Variants in SMARCB1 observed in about 807,000 individuals in gnomAD.
The protein encoded by SMARCB1 is SWI/SNF-related matrix-associated actin-dependent regulator of chromatin subfamily B member 1.
A neutral mutation model predicts 49.0 loss-of-function variants in SMARCB1; 5 were observed. That is an observed-to-expected ratio of 0.10 (90% CI 0.05 to 0.21). The LOEUF (loss-of-function observed/expected upper bound fraction) is 0.21. Among genes scored for constraint, SMARCB1 ranks in the 10% least tolerant of loss-of-function variants. SMARCB1 has a pLI of 1.00. For missense variants in SMARCB1, 226 were observed against 509.2 expected (o/e 0.44, Z 5.35); for synonymous variants, 201 against 200.1 (o/e 1.00, Z -0.04).
At chr22:23,817,082 C>T in intron 6 of SMARCB1, 146 bp downstream of exon 6, 3 of 682,360 alleles carry the variant, frequency 4.4e-6, no homozygotes, top group Non-Finnish European at 7.9e-6. Context: ...TGGCTTTGCT[C>T]CCTGCAATCC....
chr22:23,790,170 G>T (rs1259517429), intron 1 of SMARCB1, among the ~76,000 whole-genome samples: 2 of 152,128 alleles, frequency 1.3e-5, no homozygotes, highest in African/African-American at 4.8e-5. Flanking sequence ...GAGACTCAGA[G>T]CCCTGCAGGG....
chr22:23,796,082 T>C (rs1012968309), intron 3 of SMARCB1, among the ~76,000 whole-genome samples: 3 of 152,110 alleles, frequency 2.0e-5, no homozygotes, highest in Non-Finnish European at 2.9e-5. Flanking sequence ...TGTGAGCCAC[T>C]GTGCCCAGCC....
intron 8 of SMARCB1, 143 bp downstream of exon 8, chr22:23,833,846 T>A (rs899552986): frequency 1.3e-5 from 12 of 943,328 alleles, no homozygotes; most frequent in Non-Finnish European, 2.0e-5. Flanking sequence ...GGCTTCTGGG[T>A]GATAAGGCCC....
intron 5 of SMARCB1, among the ~76,000 whole-genome samples, chr22:23,807,772 G>A (rs1929585812): frequency 6.7e-6 from 1 of 149,938 alleles, no homozygotes; most frequent in South Asian, 2.1e-4. Context: ...AAGACAATAA[G>A]AATGGTGGTA....
rs561728618 is a variant in SMARCB1, at chr22:23,801,869, A to G, written c.500+788A>G. The G allele has an allele frequency of 1.0e-4, 18 of 171,448 alleles. No individual in the cohort carries two copies. In the South Asian group the frequency reaches 2.2e-3, roughly 21 times the overall value. The allele number at this position is 171,448 out of a possible 1,614,324, so 10.6% of individuals were successfully genotyped here. ...GGTCTGTTTTTTACCTCTGTGGCCC[A>G]GACTTCCTCAGCTGCCCTCACCCCC... On this transcript the variant is annotated intron_variant, in intron 4 of 8. Transcript: ENST00000644036.
chr22:23,837,944 T>G lies in SMARCB1; in HGVS notation c.*3764T>G. ...CAAGACCCTGGAATTCTTCCCCTCA[T>G]CTCCCCTATGTGCTATTCCCTCATC... is the stretch of plus-strand genomic sequence containing the variant. On this transcript the variant is annotated 3_prime_UTR_variant, in exon 9 of 9. Transcript: ENST00000644036. 7.4e-7 allele frequency: 1 copy of G among 1,346,876 alleles called. No homozygotes were observed. Among genetic ancestry groups the G allele is most frequent in the Non-Finnish European group, 1.0e-6 (1 of 995,078 alleles). 83.4% of individuals were successfully genotyped at this position (1,346,876 alleles called of 1,614,324 possible). A position where few individuals can be genotyped will look rare whatever the true frequency, so the allele number is the denominator to read the frequency against.
chr22:23,808,314 G>A (rs1929643278), intron 5 of SMARCB1, among the ~76,000 whole-genome samples: 1 of 152,162 alleles, frequency 6.6e-6, no homozygotes, highest in African/African-American at 2.4e-5. Flanking sequence ...GTAGAGACAG[G>A]GTTTCACCGT....
chr22:23,837,006 C>T lies in SMARCB1; in HGVS notation c.*2826C>T, dbSNP rs776754528. ...GTTGAGCACAGGCCAGCACAGGTCCCCATCGGTGGGGATCCTTCTGAGGGT... is the reference window on the plus strand; with the variant it reads ...GTTGAGCACAGGCCAGCACAGGTCCTCATCGGTGGGGATCCTTCTGAGGGT... On this transcript the variant is annotated 3_prime_UTR_variant, in exon 9 of 9. Coordinates refer to ENST00000644036, the MANE Select transcript of SMARCB1 (RefSeq NM_003073.5). The T allele has an allele frequency of 4.7e-5, 76 of 1,611,770 alleles. No individual in the cohort carries two copies. Among genetic ancestry groups the T allele is most frequent in the Non-Finnish European group, 6.4e-5 (75 of 1,178,928 alleles).
At chr22:23,793,384 A>T in intron 2 of SMARCB1, 175 bp from the exon 3 acceptor site, 1 of 754,534 alleles carries the variant, frequency 1.3e-6, no homozygotes. Context: ...TTGTAAGTAA[A>T]GCACTCAGTC....
At chr22:23,831,760 C>T (rs1423659093) in intron 7 of SMARCB1, among the ~76,000 whole-genome samples, 6 of 152,160 alleles carry the variant, frequency 3.9e-5, no homozygotes, top group Admixed American at 2.6e-4. Flanking sequence ...TCACGTCTGC[C>T]CTCCAAGGAA....
At position 23,787,187 on chromosome 22, in the gene SMARCB1, G is replaced by T. The variant is rs1381647379; in HGVS notation, c.18G>T (p.Leu6=). Residue 6 remains leucine (L), a synonymous_variant, in exon 1 of 9, where the codon CTG becomes CTT. Coordinates refer to ENST00000644036, the MANE Select transcript of SMARCB1 (RefSeq NM_003073.5). Reference sequence around the variant, plus strand: ...CCGCCGCAATGATGATGATGGCGCTGAGCAAGACCTTCGGGCAGAAGCCCG... The same window carrying T: ...CCGCCGCAATGATGATGATGGCGCTTAGCAAGACCTTCGGGCAGAAGCCCG... MMMMA[L]SKTFGQKPVK... is the part of the protein sequence containing the mutation. 6.2e-7 allele frequency: 1 copy of T among 1,608,500 alleles called. No homozygotes were observed. The highest frequency in any genetic ancestry group is 8.5e-7 in the Non-Finnish European group (1 of 1,176,962).
chr22:23,819,131 C>A (rs977172377), intron 6 of SMARCB1, among the ~76,000 whole-genome samples: 4 of 152,124 alleles, frequency 2.6e-5, no homozygotes, highest in Admixed American at 2.6e-4. Flanking sequence ...GGATTACAGG[C>A]GTGAGCCACT....
chr22:23,807,289 G>T (rs1254163841), intron 5 of SMARCB1, among the ~76,000 whole-genome samples: 2 of 152,282 alleles, frequency 1.3e-5, no homozygotes, highest in East Asian at 3.9e-4. Context: ...ATATCCACAT[G>T]CTTGTTTTGG....
intron 8 of SMARCB1, 126 bp downstream of exon 8, chr22:23,833,829 G>GTACTCTGTCT: frequency 8.9e-7 from 1 of 1,126,548 alleles, no homozygotes; most frequent in Non-Finnish European, 1.3e-6. Context: ...GCTGCTAGAG[G>GTACTCTGTCT]CAGGCAGGCT....
At chr22:23,831,131 G>C (rs959226614) in intron 7 of SMARCB1, among the ~76,000 whole-genome samples, 2 of 152,124 alleles carry the variant, frequency 1.3e-5, no homozygotes, top group African/African-American at 4.8e-5. Context: ...CGGCCTCGGA[G>C]GTGTGAATTG....
At chr22:23,811,960 T>C (rs1250734645) in intron 5 of SMARCB1, among the ~76,000 whole-genome samples, 10 of 152,170 alleles carry the variant, frequency 6.6e-5, no homozygotes, top group Admixed American at 5.9e-4. Flanking sequence ...ATGTAAATTA[T>C]CAATATCAGG....
chr22:23,833,380 G>T (rs779642408), intron 7 of SMARCB1, among the ~76,000 whole-genome samples, 192 bp from the exon 8 acceptor site: 61 of 152,218 alleles, frequency 4.0e-4, no homozygotes, highest in Non-Finnish European at 7.1e-4. Context: ...ATGGGGTCAT[G>T]GCGACAACAC....
chr22:23,793,884 C>A (rs560015485), intron 3 of SMARCB1, among the ~76,000 whole-genome samples, 196 bp downstream of exon 3: 7 of 150,586 alleles, frequency 4.6e-5, no homozygotes, highest in African/African-American at 1.2e-4. Context: ...CAGGTTCAAG[C>A]GATTCTCCTG....
Position 23,817,374 on chromosome 22 carries a change from C to T in SMARCB1, c.795+438C>T, listed in dbSNP as rs138470273. On this transcript the variant is annotated intron_variant, in intron 6 of 8. Coordinates refer to ENST00000644036, the MANE Select transcript of SMARCB1 (RefSeq NM_003073.5). ...GCCAGTTGAGAAATGGTGAGGCTGG[C>T]GATTGGGCGCAGGCCTGCACCCTGC... 20 of 275,464 alleles carry T rather than the reference C, an allele frequency of 7.3e-5. No individual in the cohort carries two copies. The East Asian group carries it at 1.1e-3, about 15-fold the overall frequency. 17.1% of individuals were successfully genotyped at this position (275,464 alleles called of 1,614,324 possible). A position where few individuals can be genotyped will look rare whatever the true frequency, so the allele number is the denominator to read the frequency against.
Sources: allele counts gnomAD v4.1 joint callset (sites outside exome capture counted in the v4.1 genomes callset), GRCh38; gene constraint gnomAD v4.1.1; transcripts MANE v1.5; gene names NCBI Gene and HGNC (gene_info 2026-07-23, HGNC 2026-07-21).